The following HTR1F variants were observed in gnomAD, a reference collection of about 807,000 sequenced individuals.
HTR1F encodes 5-hydroxytryptamine receptor 1F.
HTR1F carries 17 observed loss-of-function variants against 24.0 expected under a neutral mutation model. The observed-to-expected ratio is 0.71, with a 90% CI of 0.48 to 1.06. The LOEUF is 1.06. Among genes scored for constraint, HTR1F ranks in the 50% least tolerant of loss-of-function variants. The pLI, the probability that HTR1F is intolerant of heterozygous loss-of-function variation, is 0.00. For synonymous variants in HTR1F, 186 were observed against 156.8 expected, an observed-to-expected ratio of 1.19 and a Z score of -1.39; for missense variants, 391 against 427.8, an observed-to-expected ratio of 0.91 and a Z score of 0.76.
intron 2 of HTR1F, among the ~76,000 whole-genome samples, chr3:87,932,826 A>G (rs953733284): frequency 6.6e-6 from 1 of 151,880 alleles, no homozygotes; most frequent in Non-Finnish European, 1.5e-5. Context: ...CAATAGAAAA[A>G]GAGGGAATCC....
chr3:87,798,355 G>A (rs368468636), intron 1 of HTR1F, among the ~76,000 whole-genome samples: 7 of 151,882 alleles, frequency 4.6e-5, no homozygotes, highest in Non-Finnish European at 8.8e-5. Context: ...TCTCTGCTCT[G>A]GGTCCCACAA....
chr3:87,851,815 T>A (rs1705092210), intron 2 of HTR1F, among the ~76,000 whole-genome samples: 1 of 151,544 alleles, frequency 6.6e-6, no homozygotes, highest in Non-Finnish European at 1.5e-5. Flanking sequence ...TTTCTTCCTG[T>A]CAAAAAACCT....
intron 1 of HTR1F, among the ~76,000 whole-genome samples, chr3:87,800,016 A>G (rs1450607126): frequency 2.0e-5 from 3 of 152,316 alleles, no homozygotes; most frequent in Non-Finnish European, 2.9e-5. Flanking sequence ...TCTCTCGAAT[A>G]TACTATACTT....
chr3:87,977,775 T>G (rs1705430915), intron 2 of HTR1F, among the ~76,000 whole-genome samples: 1 of 151,934 alleles, frequency 6.6e-6, no homozygotes, highest in Admixed American at 6.6e-5. Context: ...CACACTATTA[T>G]GTGGGGGAGT....
intron 2 of HTR1F, among the ~76,000 whole-genome samples, chr3:87,931,738 T>A (rs1704277869): frequency 6.6e-6 from 1 of 151,848 alleles, no homozygotes; most frequent in Non-Finnish European, 1.5e-5. Flanking sequence ...ATGATTGGCA[T>A]TCTAACTGGT....
chr3:87,839,821 A>C (rs1704762246), intron 2 of HTR1F, among the ~76,000 whole-genome samples: 1 of 152,014 alleles, frequency 6.6e-6, no homozygotes, highest in Non-Finnish European at 1.5e-5. Context: ...TGTGTGCCCA[A>C]CGTTTAGCTC....
intron 2 of HTR1F, among the ~76,000 whole-genome samples, chr3:87,947,879 C>T (rs1704746579): frequency 6.6e-6 from 1 of 151,932 alleles, no homozygotes; most frequent in Non-Finnish European, 1.5e-5. Flanking sequence ...ACACTCAAAT[C>T]GAATAATGTT....
chr3:87,886,597 G>A (rs1020916418), intron 2 of HTR1F, among the ~76,000 whole-genome samples: 12 of 152,116 alleles, frequency 7.9e-5, no homozygotes, highest in African/African-American at 1.2e-4. Flanking sequence ...AAGCCCCATC[G>A]TCTCAGCCCA....
chr3:87,940,084 A>G lies in HTR1F; in HGVS notation c.-42-50624A>G, dbSNP rs192924770. Among the ~76,000 whole-genome samples, 35 of 152,296 alleles carry G rather than the reference A, an allele frequency of 2.3e-4. 1 individual carries two copies. The highest frequency in any genetic ancestry group is 6.0e-4 in the African/African-American group (25 of 41,554). On this transcript the variant is annotated intron_variant, in intron 2 of 2. Transcript: ENST00000319595. ...TTGTGTCTTTGTTCTCATTGGTTTC[A>G]AAGAACTTATTTATTTCTGCCTTAA...
intron 2 of HTR1F, among the ~76,000 whole-genome samples, chr3:87,941,933 C>A (rs1232582811): frequency 1.3e-5 from 2 of 152,032 alleles, no homozygotes; most frequent in Non-Finnish European, 2.9e-5. Context: ...TTTTACTAGG[C>A]CTTGGGCTTT....
At chr3:87,849,270 A>G (rs1472055434) in intron 2 of HTR1F, among the ~76,000 whole-genome samples, 12 of 151,820 alleles carry the variant, frequency 7.9e-5, no homozygotes, top group Non-Finnish European at 1.6e-4. Context: ...ATATAGATCA[A>G]TGCAACAGAA....
intron 2 of HTR1F, among the ~76,000 whole-genome samples, chr3:87,916,309 G>GAAAAAAAAAAAAAA (rs34801984): frequency 9.0e-6 from 1 of 111,066 alleles, no homozygotes; most frequent in Non-Finnish European, 1.8e-5. Flanking sequence ...AAGCAAAAAA[G>GAAAAAAAAAAAAAA]AAAAAAAAAA....
intron 2 of HTR1F, among the ~76,000 whole-genome samples, chr3:87,960,636 T>C (rs913990269): frequency 8.5e-5 from 13 of 152,056 alleles, no homozygotes; most frequent in African/African-American, 3.1e-4. Flanking sequence ...TATGAAGTCA[T>C]AATTTATATA....
intron 2 of HTR1F, among the ~76,000 whole-genome samples, chr3:87,966,192 A>G (rs543277266): frequency 6.6e-6 from 1 of 152,176 alleles, no homozygotes; most frequent in Admixed American, 6.6e-5. Context: ...GAAGAAGCCA[A>G]GGACCTTTCT....
intron 1 of HTR1F, among the ~76,000 whole-genome samples, chr3:87,819,847 A>G (rs1396701888): frequency 6.6e-6 from 1 of 152,110 alleles, no homozygotes; most frequent in Non-Finnish European, 1.5e-5. Context: ...CCAAAAATTT[A>G]TGATTACTGT....
chr3:87,858,214 C>A (rs1327639359), intron 2 of HTR1F, among the ~76,000 whole-genome samples: 8 of 152,118 alleles, frequency 5.3e-5, no homozygotes, highest in African/African-American at 9.7e-5. Flanking sequence ...TACAGTTTTA[C>A]TGAGCAAAGG....
intron 2 of HTR1F, among the ~76,000 whole-genome samples, chr3:87,858,132 A>T (rs1313184264): frequency 6.6e-6 from 1 of 152,126 alleles, no homozygotes; most frequent in Non-Finnish European, 1.5e-5. Flanking sequence ...TTTTCAGTAA[A>T]TCTTAAGTGA....
At chr3:87,886,864 T>C (rs1705959079) in intron 2 of HTR1F, among the ~76,000 whole-genome samples, 3 of 152,120 alleles carry the variant, frequency 2.0e-5, no homozygotes, top group Non-Finnish European at 2.9e-5. Flanking sequence ...TGCTCATGGA[T>C]AGGAAGAATC....
At chr3:87,911,711 A>T (rs1703781736) in intron 2 of HTR1F, among the ~76,000 whole-genome samples, 1 of 152,168 alleles carries the variant, frequency 6.6e-6, no homozygotes, top group African/African-American at 2.4e-5. Context: ...TGAAAAGCTA[A>T]TCCACCACTC....
Sources: allele counts gnomAD v4.1 joint callset (sites outside exome capture counted in the v4.1 genomes callset), GRCh38; gene constraint gnomAD v4.1.1; transcripts MANE v1.5; gene names NCBI Gene and HGNC (gene_info 2026-07-23, HGNC 2026-07-21).